Variants in IGSF10 observed in about 807,000 individuals in gnomAD.
IGSF10 encodes the protein immunoglobulin superfamily member 10.
Under a neutral mutation model 128.2 loss-of-function variants are expected in IGSF10, and 126 were observed. That is an observed-to-expected ratio of 0.98 (90% confidence interval 0.85 to 1.14). IGSF10 has a LOEUF of 1.14. Among genes scored for constraint, IGSF10 ranks in the 50% most tolerant of loss-of-function variants. The pLI is 0.00. For synonymous variants in IGSF10, 1,185 were observed against 1,146.2 expected (o/e 1.03, Z -0.68); for missense variants, 3,295 against 3,149.8 (o/e 1.05, Z -1.10).
chr3:151,542,601 A>C, the IGSF10 span, among the ~76,000 whole-genome samples: 74 of 152,334 alleles, frequency 4.9e-4, no homozygotes, highest in African/African-American at 1.8e-3. Context: ...TTCCACTAAC[A>C]GTATAACTTG....
At chr3:151,602,120 T>G in the IGSF10 span, among the ~76,000 whole-genome samples, 1 of 152,008 alleles carries the variant, frequency 6.6e-6, no homozygotes, top group Non-Finnish European at 1.5e-5. Flanking sequence ...ACTGTGATAG[T>G]CTCTGCTAAG....
the IGSF10 span, among the ~76,000 whole-genome samples, chr3:151,588,114 T>C: frequency 6.6e-6 from 1 of 152,206 alleles, no homozygotes; most frequent in Non-Finnish European, 1.5e-5. Context: ...ATTTTTGAGA[T>C]ACCTAAAGAT....
the IGSF10 span, among the ~76,000 whole-genome samples, chr3:151,484,896 C>T: frequency 6.6e-6 from 1 of 152,150 alleles, no homozygotes; most frequent in African/African-American, 2.4e-5. Context: ...AGCCTCTTCT[C>T]CTCCAAAGGA....
chr3:151,599,870 TGAAAGATGATTA>T, the IGSF10 span, among the ~76,000 whole-genome samples: 1 of 152,168 alleles, frequency 6.6e-6, no homozygotes, highest in African/African-American at 2.4e-5. Flanking sequence ...CTGGTCTAAA[TGAAAGATGATTA>T]GGACAGCATG....
At chr3:151,515,074 T>C in the IGSF10 span, among the ~76,000 whole-genome samples, 2 of 152,090 alleles carry the variant, frequency 1.3e-5, no homozygotes, top group African/African-American at 4.8e-5. Context: ...TCCTCAAGGA[T>C]CTAGAACTAG....
At chr3:151,481,439 C>T in the IGSF10 span, among the ~76,000 whole-genome samples, 13 of 152,232 alleles carry the variant, frequency 8.5e-5, no homozygotes, top group African/African-American at 2.2e-4. Context: ...CAAATTGAAG[C>T]GGTCCTAAAT....
At position 151,438,095 on chromosome 3, in the gene IGSF10, C is replaced by T; in HGVS notation, c.6466G>A (p.Gly2156Arg). The change falls in exon 8 of 8, where the codon GGA (glycine) becomes AGA (arginine). Residue 2156 changes from glycine to arginine, a missense_variant. Transcript: ENST00000282466. ...TCACAGTCAAGGACAGCTGTGTCTC[C>T]AGCTTTGATTCTCTTGTTGGTTTTG... ...SNKTNKRIKA[G>R]DTAVLDCEVT... The T allele has an allele frequency of 6.2e-7, 1 of 1,614,202 alleles. No homozygotes were observed. Among genetic ancestry groups the T allele is most frequent in the East Asian group, 2.2e-5 (1 of 44,880 alleles).
chr3:151,490,519 T>TTA, the IGSF10 span, among the ~76,000 whole-genome samples: 1 of 147,538 alleles, frequency 6.8e-6, no homozygotes, highest in East Asian at 1.9e-4. Flanking sequence ...TTTTTTTTTT[T>TTA]ACCAAAAAGA....
At chr3:151,440,515 G>C in intron 7 of IGSF10, 1 of 456,524 alleles carries the variant, frequency 2.2e-6, no homozygotes, top group Non-Finnish European at 4.4e-6. Context: ...GTTTAATCTT[G>C]AAGTAATTCC....
At chr3:151,571,260 C>G in the IGSF10 span, among the ~76,000 whole-genome samples, 1 of 152,234 alleles carries the variant, frequency 6.6e-6, no homozygotes, top group African/African-American at 2.4e-5. Flanking sequence ...TTTTCCAATT[C>G]TGTGAAGAAA....
intron 5 of IGSF10, among the ~76,000 whole-genome samples, chr3:151,450,835 C>T (rs890565406): frequency 1.9e-4 from 24 of 128,696 alleles, no homozygotes; most frequent in African/African-American, 4.5e-4. Context: ...GCAGAGGTTG[C>T]AGTGAGCCAA....
At chr3:151,553,964 T>TAAC in the IGSF10 span, among the ~76,000 whole-genome samples, 148 of 123,628 alleles carry the variant, frequency 1.2e-3, no homozygotes, top group African/African-American at 3.9e-3. Context: ...ACAGCAACAA[T>TAAC]AACAACAACA....
chr3:151,515,305 C>A, the IGSF10 span, among the ~76,000 whole-genome samples: 1 of 151,728 alleles, frequency 6.6e-6, no homozygotes, highest in Non-Finnish European at 1.5e-5. Context: ...ATGATGAGTT[C>A]ATGTCCTTTG....
At chr3:151,598,596 A>G in the IGSF10 span, among the ~76,000 whole-genome samples, 1 of 152,256 alleles carries the variant, frequency 6.6e-6, no homozygotes, top group Non-Finnish European at 1.5e-5. Flanking sequence ...ACCTCTAGAT[A>G]GTTTACAATA....
the IGSF10 span, among the ~76,000 whole-genome samples, chr3:151,577,631 A>G: frequency 2.0e-4 from 31 of 152,130 alleles, no homozygotes; most frequent in Non-Finnish European, 3.7e-4. Context: ...TGGAAAAAGC[A>G]TCACTCCTAA....
chr3:151,517,142 A>C, the IGSF10 span, among the ~76,000 whole-genome samples: 38 of 152,174 alleles, frequency 2.5e-4, no homozygotes, highest in South Asian at 7.9e-3. Flanking sequence ...ATGGTTACAC[A>C]ACAGAGTTTA....
the IGSF10 span, among the ~76,000 whole-genome samples, chr3:151,582,298 G>GGC: frequency 9.0e-6 from 1 of 111,060 alleles, no homozygotes. Context: ...TATCCGGGGG[G>GGC]GGGGGCGGGA....
chr3:151,536,483 TC>T, the IGSF10 span, among the ~76,000 whole-genome samples: 2 of 152,308 alleles, frequency 1.3e-5, no homozygotes, highest in East Asian at 3.9e-4. Flanking sequence ...TAATTGAGCA[TC>T]CTGTATTTTA....
Position 151,443,754 on chromosome 3 carries a change from T to A in IGSF10, c.5193A>T (p.Thr1731=). The change falls in exon 7 of 8, where the codon ACA becomes ACT. Residue 1731 remains threonine (T), a synonymous_variant. Transcript: ENST00000282466. ...CAGACAAGGTGACATGAAGGTGGTC[T>A]GTGCCAAACAGATTGGATGCGGAAC... ...YLCSASNLFG[T]DHLHVTLSVV... is the part of the protein sequence containing the mutation. 1 of 1,614,216 alleles carries A rather than the reference T, an allele frequency of 6.2e-7. No homozygotes were observed. The highest frequency in any genetic ancestry group is 2.2e-5 in the East Asian group (1 of 44,880).
Sources: allele counts gnomAD v4.1 joint callset (sites outside exome capture counted in the v4.1 genomes callset), GRCh38; gene constraint gnomAD v4.1.1; transcripts MANE v1.5; gene names NCBI Gene and HGNC (gene_info 2026-07-23, HGNC 2026-07-21).